NCKAP5: variants seen among roughly 807,000 people sequenced by gnomAD.
NCKAP5 encodes NCK associated protein 5.
A neutral mutation model predicts 167.0 loss-of-function variants in NCKAP5; 92 were observed. The ratio of observed to expected loss-of-function variants is 0.55; its 90% confidence interval spans 0.47 to 0.66. NCKAP5 has a LOEUF of 0.66. Among genes scored for constraint, NCKAP5 ranks in the 30% least tolerant of loss-of-function variants. NCKAP5 has a pLI of 0.00. For synonymous variants in NCKAP5, 891 were observed against 877.4 expected, an observed-to-expected ratio of 1.02 and a Z score of -0.27; for missense variants, 2,378 against 2,315.0, an observed-to-expected ratio of 1.03 and a Z score of -0.56.
chr2:133,257,691 G>C (rs1302567763), intron 4 of NCKAP5, among the ~76,000 whole-genome samples: 1 of 152,152 alleles, frequency 6.6e-6, no homozygotes, highest in Non-Finnish European at 1.5e-5. Context: ...TGTGTACATA[G>C]ACAAAGGAGA....
chr2:132,708,579 G>T (rs1688570119), intron 19 of NCKAP5, among the ~76,000 whole-genome samples: 1 of 152,170 alleles, frequency 6.6e-6, no homozygotes, highest in Admixed American at 6.5e-5. Context: ...TCTGACTCCA[G>T]GCCCTGGCTC....
intron 16 of NCKAP5, among the ~76,000 whole-genome samples, chr2:132,769,801 T>A (rs1010126116): frequency 6.6e-6 from 1 of 152,202 alleles, no homozygotes; most frequent in African/African-American, 2.4e-5. Context: ...ATGGGGGAAC[T>A]CTAGTGATGT....
chr2:133,129,926 G>C, intron 6 of NCKAP5, 52 bp downstream of exon 6: 1 of 1,521,722 alleles, frequency 6.6e-7, no homozygotes, highest in Non-Finnish European at 8.8e-7. Context: ...GGTGTTACTG[G>C]TGCAGAGAGA....
chr2:133,529,945 C>T (rs1410671027), intron 2 of NCKAP5, among the ~76,000 whole-genome samples: 4 of 152,042 alleles, frequency 2.6e-5, no homozygotes, highest in African/African-American at 9.7e-5. Flanking sequence ...CAAATATTTT[C>T]CCCCCAGTCT....
chr2:132,775,782 A>G (rs1682496969), intron 15 of NCKAP5, among the ~76,000 whole-genome samples: 1 of 152,340 alleles, frequency 6.6e-6, no homozygotes, highest in East Asian at 1.9e-4. Context: ...CTTTTATAGA[A>G]CAACAAGGAA....
chr2:133,240,844 C>T (rs2087667820), intron 4 of NCKAP5, among the ~76,000 whole-genome samples: 2 of 152,176 alleles, frequency 1.3e-5, no homozygotes, highest in South Asian at 4.1e-4. Flanking sequence ...TGTCTTCTGC[C>T]TCTATTTTCA....
chr2:133,412,086 G>A (rs974298826), intron 3 of NCKAP5, among the ~76,000 whole-genome samples: 32 of 152,286 alleles, frequency 2.1e-4, no homozygotes, highest in African/African-American at 5.5e-4. Flanking sequence ...GAATGCCTAC[G>A]TACTCCCCGG....
intron 2 of NCKAP5, among the ~76,000 whole-genome samples, chr2:133,532,235 T>G (rs1217517822): frequency 6.6e-6 from 1 of 152,228 alleles, no homozygotes; most frequent in Non-Finnish European, 1.5e-5. Context: ...TTACCCCAAT[T>G]CCAAAAGAAT....
intron 11 of NCKAP5, among the ~76,000 whole-genome samples, chr2:132,819,501 T>C (rs116738984): frequency 1.5e-3 from 221 of 152,318 alleles, no homozygotes; most frequent in Middle Eastern, 0.01. Context: ...AATACTATTA[T>C]CTAACTCTCA....
Position 133,303,097 on chromosome 2 carries a change from G to A in NCKAP5, c.83C>T (p.Ser28Phe), listed in dbSNP as rs1406207876. ...CAGCAGATGCTCAATGTATTTATTG[G>A]AGTCCATGTATTCCTGCACAAGCAG... The part of the protein sequence containing the change: ...LDSSLVEYMD[S>F]NKYIEHLLTQ... Residue 28 changes from serine to phenylalanine, a missense_variant, in exon 4 of 20, where the codon TCC (serine) becomes TTC (phenylalanine). By Grantham distance (155) the Ser-to-Phe change is radical. Transcript: ENST00000409261. 15 of 1,588,278 alleles carry A rather than the reference G, an allele frequency of 9.4e-6. No homozygotes were observed. Among genetic ancestry groups the A allele is most frequent in the Admixed American group, 1.8e-5 (1 of 56,184 alleles).
At chr2:133,633,857 T>C in the NCKAP5 span, among the ~76,000 whole-genome samples, 1 of 152,210 alleles carries the variant, frequency 6.6e-6, no homozygotes, top group South Asian at 2.1e-4. Context: ...GGCTCATGGA[T>C]AGATCCATCT....
chr2:133,287,069 G>A (rs918348360), intron 4 of NCKAP5, among the ~76,000 whole-genome samples: 10 of 152,096 alleles, frequency 6.6e-5, no homozygotes, highest in East Asian at 3.8e-4. Context: ...TACCTTCCTC[G>A]GGATGGTAAT....
At chr2:133,405,934 C>T (rs1277230952) in intron 3 of NCKAP5, among the ~76,000 whole-genome samples, 1 of 152,156 alleles carries the variant, frequency 6.6e-6, no homozygotes, top group South Asian at 2.1e-4. Flanking sequence ...CATTTCTTGA[C>T]AAAATAGAAA....
chr2:132,704,267 C>T (rs6728913), intron 19 of NCKAP5, among the ~76,000 whole-genome samples: 13,168 of 152,092 alleles, frequency 0.087, 1,781 homozygotes, highest in African/African-American at 0.29. Context: ...TTCCTACTTC[C>T]TGCTCCAGGA....
chr2:133,424,003 T>G (rs1574931394), intron 3 of NCKAP5, among the ~76,000 whole-genome samples: 1 of 152,170 alleles, frequency 6.6e-6, no homozygotes, highest in East Asian at 1.9e-4. Context: ...AGAAAGCAAC[T>G]GGTATTGTGC....
Position 133,558,333 on chromosome 2 carries a change from T to C in NCKAP5, c.-62+717A>G, listed in dbSNP as rs1301649204. 4.6e-5 allele frequency: 7 copies of C among 151,774 alleles called. No homozygotes were observed. In the South Asian group the frequency reaches 1.2e-3, roughly 27 times the overall value. The allele number at this position is 151,774 out of a possible 1,614,324, so 9.4% of individuals were successfully genotyped here. On this transcript the variant is annotated intron_variant, in intron 2 of 19. Coordinates refer to ENST00000409261, the MANE Select transcript of NCKAP5 (RefSeq NM_207363.3). ...GGAGGAGGAGGACGAGCAGTAGAGATAAATGAAGATGAGGAGGGAGAATAA... is the reference window on the plus strand; with the variant it reads ...GGAGGAGGAGGACGAGCAGTAGAGACAAATGAAGATGAGGAGGGAGAATAA...
At chr2:133,485,641 C>G (rs1258496364) in intron 3 of NCKAP5, among the ~76,000 whole-genome samples, 4 of 152,096 alleles carry the variant, frequency 2.6e-5, no homozygotes, top group African/African-American at 9.7e-5. Flanking sequence ...TTCATGGCCA[C>G]AAAATGAACT....
intron 2 of NCKAP5, among the ~76,000 whole-genome samples, chr2:133,535,789 T>G (rs1685714739): frequency 6.6e-6 from 1 of 152,104 alleles, no homozygotes; most frequent in Admixed American, 6.5e-5. Context: ...TCTCCACATT[T>G]TTGTCAGCAT....
At chr2:132,713,643 C>T (rs570588756) in intron 19 of NCKAP5, among the ~76,000 whole-genome samples, 16 of 151,560 alleles carry the variant, frequency 1.1e-4, no homozygotes, top group South Asian at 4.2e-4. Flanking sequence ...AGGAGATATC[C>T]GGGAAAGAAA....
Sources: gnomAD v4.1 joint callset for allele counts (sites outside exome capture counted in the v4.1 genomes callset) on GRCh38, gnomAD v4.1.1 for gene constraint, MANE v1.5 for transcripts, NCBI Gene and HGNC (gene_info 2026-07-23, HGNC 2026-07-21) for gene names.